CDHR3: variants seen among roughly 807,000 people sequenced by gnomAD.
CDHR3 encodes the protein cadherin-related family member 3.
CDHR3 carries 79 observed loss-of-function variants against 86.6 expected under a neutral mutation model. That is an observed-to-expected ratio of 0.91 (90% CI 0.76 to 1.10). The LOEUF (loss-of-function observed/expected upper bound fraction) is 1.10, where lower values mean the gene tolerates loss of function less well. Ranked by LOEUF, CDHR3 falls within the 50% of genes least tolerant of loss-of-function variation. CDHR3 has a pLI of 0.00. For synonymous variants in CDHR3, 421 were observed against 402.4 expected (o/e 1.05, Z -0.55); for missense variants, 1,081 against 1,077.6 (o/e 1.00, Z -0.04).
intron 8 of CDHR3, among the ~76,000 whole-genome samples, chr7:106,010,547 C>T (rs372722296): frequency 4.6e-5 from 7 of 152,200 alleles, no homozygotes; most frequent in Admixed American, 6.5e-5. Flanking sequence ...CTCCATTACA[C>T]GCTCCAGCAA....
rs200807728 is a variant in CDHR3, at chr7:105,986,488, A to G, written c.513+2199A>G. Among the ~76,000 whole-genome samples the G allele has an allele frequency of 1.4e-4, 22 of 152,350 alleles. No homozygotes were observed. The East Asian group carries it at 3.7e-3, about 25-fold the overall frequency. On this transcript the variant is annotated intron_variant, in intron 4 of 18. Transcript: ENST00000317716. Reference sequence around the variant, plus strand: ...CAAAAGGTTTACAGCTGACACTCCTATAACAAAGAAGAGATTAACAAGAAG... The same window carrying G: ...CAAAAGGTTTACAGCTGACACTCCTGTAACAAAGAAGAGATTAACAAGAAG...
chr7:106,028,567 G>C lies in CDHR3; in HGVS notation c.2289G>C (p.Glu763Asp). ...LTKKGETKTA[E>D]RDVVVETIQM... ...TCTCTGCAGAAACGAAGACTGCAGA[G>C]AGAGACGTCGTGGTGGTGAGTATGG... The change falls in exon 17 of 19, where the codon GAG becomes GAC. Residue 763 changes from glutamate to aspartate, a missense_variant. Physicochemically the swap from Glu to Asp is conservative, Grantham distance 45. Transcript: ENST00000317716. The C allele has an allele frequency of 6.2e-7, 1 of 1,614,010 alleles. No individual in the cohort carries two copies. Among genetic ancestry groups the C allele is most frequent in the Non-Finnish European group, 8.5e-7 (1 of 1,179,870 alleles).
intron 2 of CDHR3, among the ~76,000 whole-genome samples, chr7:105,978,370 A>C (rs1338888951): frequency 1.3e-5 from 2 of 152,104 alleles, no homozygotes; most frequent in East Asian, 3.9e-4. Context: ...TCATTTGTCC[A>C]TCTCTGAGCT....
intron 1 of CDHR3, among the ~76,000 whole-genome samples, chr7:105,965,562 G>GGGGGGGGCCC: frequency 1.8e-5 from 1 of 56,338 alleles, no homozygotes; most frequent in Non-Finnish European, 4.4e-5. Flanking sequence ...CCCAACTCAA[G>GGGGGGGGCCC]CCCCACCCCC....
At position 106,032,373 on chromosome 7, in the gene CDHR3, T is replaced by C; in HGVS notation, c.2354-20T>C. 1 of 1,594,124 alleles carries C rather than the reference T, an allele frequency of 6.3e-7. No individual in the cohort carries two copies. On this transcript the variant is annotated intron_variant, in intron 18 of 18. Transcript: ENST00000317716. The stretch of plus-strand genomic sequence containing the variant: ...TGGAATTTTCTGGCTTATGTGATTG[T>C]TGTATTTTTTTTTCACTAGTGACCG...
chr7:105,979,845 G>A (rs193796), intron 2 of CDHR3, among the ~76,000 whole-genome samples: 63,513 of 152,008 alleles, frequency 0.42, 13,669 homozygotes, highest in South Asian at 0.6. Context: ...AATGTCCCCA[G>A]GGGCTCCGGG....
chr7:105,975,250 A>G (rs1333027680), intron 2 of CDHR3, among the ~76,000 whole-genome samples: 6 of 152,142 alleles, frequency 3.9e-5, no homozygotes, highest in Non-Finnish European at 8.8e-5. Flanking sequence ...CACTCCATAC[A>G]GTTTACATAA....
chr7:105,966,112 A>G (rs1323437427), intron 1 of CDHR3, among the ~76,000 whole-genome samples: 1 of 152,234 alleles, frequency 6.6e-6, no homozygotes, highest in East Asian at 1.9e-4. Context: ...GCCCCAGTGG[A>G]AAGAGTTGAG....
intron 4 of CDHR3, among the ~76,000 whole-genome samples, chr7:105,994,147 T>C (rs777961599): frequency 1.1e-4 from 16 of 152,222 alleles, no homozygotes; most frequent in Non-Finnish European, 4.4e-5. Flanking sequence ...TTTTGCGCCC[T>C]GCTATATTGT....
chr7:105,995,120 T>C (rs1272985460), intron 5 of CDHR3, among the ~76,000 whole-genome samples: 1 of 152,208 alleles, frequency 6.6e-6, no homozygotes, highest in Non-Finnish European at 1.5e-5. Flanking sequence ...AGGTCAGACA[T>C]AACCAGGTCC....
intron 14 of CDHR3, 42 bp downstream of exon 14, chr7:106,022,490 G>T: frequency 3.1e-6 from 5 of 1,594,794 alleles, no homozygotes; most frequent in Non-Finnish European, 4.3e-6. Context: ...ACATTCCCTT[G>T]TGAGTTATGT....
At position 106,022,369 on chromosome 7, in the gene CDHR3, C is replaced by A; in HGVS notation, c.1997C>A (p.Ala666Asp). The A allele has an allele frequency of 6.2e-7, 1 of 1,614,034 alleles. No individual in the cohort carries two copies. Among genetic ancestry groups the A allele is most frequent in the African/African-American group, 1.3e-5 (1 of 75,036 alleles). ...NLMSDRKKAE[A>D]LVETGTVTLS... ...ATGTCTGACAGGAAGAAAGCGGAGGCTCTTGTTGAGACAGGAACAGTGACA... is the reference window on the plus strand; with the variant it reads ...ATGTCTGACAGGAAGAAAGCGGAGGATCTTGTTGAGACAGGAACAGTGACA... The change falls in exon 14 of 19, where the codon GCT becomes GAT. Residue 666 changes from alanine to aspartate, a missense_variant. Coordinates refer to ENST00000317716, the MANE Select transcript of CDHR3 (RefSeq NM_152750.5).
chr7:105,969,397 C>CAAAAA lies in CDHR3; in HGVS notation c.47-5428_47-5424dup, dbSNP rs760242300. Among the ~76,000 whole-genome samples the CAAAAA allele has an allele frequency of 3.1e-4, 25 of 79,814 alleles. 1 individual carries two copies. Among genetic ancestry groups the CAAAAA allele is most frequent in the African/African-American group, 1.2e-3 (22 of 18,468 alleles). 52.4% of individuals were successfully genotyped at this position (79,814 alleles called of 152,430 possible). Reference sequence around the variant, plus strand: ...CCTGGGCGACAGCGAGACTCCGTCTCAAAAAAAAAAAAAAAAAAAAAAAGT... The same window carrying CAAAAA: ...CCTGGGCGACAGCGAGACTCCGTCTCAAAAAAAAAAAAAAAAAAAAAAAAAAAAGT... On this transcript the variant is annotated intron_variant, in intron 1 of 18. Transcript: ENST00000317716.
In CDHR3 at chr7:106,035,394, G is replaced by A. The variant is rs1323849367; in HGVS notation, c.*2697G>A. Reference sequence around the variant, plus strand: ...GTTTCTTTTGTATATCCGGCTATTTGGTTCGGGGAAATCCAGAAGTCAAAG... The same window carrying A: ...GTTTCTTTTGTATATCCGGCTATTTAGTTCGGGGAAATCCAGAAGTCAAAG... On this transcript the variant is annotated 3_prime_UTR_variant, in exon 19 of 19. Transcript: ENST00000317716. 6.6e-6 allele frequency among the ~76,000 whole-genome samples: 1 copy of A among 152,200 alleles called. No individual in the cohort carries two copies. Among genetic ancestry groups the A allele is most frequent in the Non-Finnish European group, 1.5e-5 (1 of 68,030 alleles).
At chr7:105,985,204 T>C (rs540042602) in intron 4 of CDHR3, among the ~76,000 whole-genome samples, 338 of 152,334 alleles carry the variant, frequency 2.2e-3, no homozygotes, top group South Asian at 3.7e-3. Context: ...ATGTAGCTGC[T>C]AGTGGGGCAA....
At chr7:106,028,205 A>G (rs1035870402) in intron 16 of CDHR3, among the ~76,000 whole-genome samples, 3 of 151,956 alleles carry the variant, frequency 2.0e-5, no homozygotes, top group African/African-American at 7.2e-5. Context: ...AATGCACAAA[A>G]CCCACACCTT....
At chr7:106,029,711 A>G (rs1327535364) in intron 17 of CDHR3, among the ~76,000 whole-genome samples, 1 of 152,168 alleles carries the variant, frequency 6.6e-6, no homozygotes, top group Non-Finnish European at 1.5e-5. Flanking sequence ...GCATAATTCA[A>G]TGGCTCCTCC....
At chr7:105,969,055 T>C (rs970733468) in intron 1 of CDHR3, among the ~76,000 whole-genome samples, 2 of 150,260 alleles carry the variant, frequency 1.3e-5, no homozygotes, top group African/African-American at 4.9e-5. Context: ...GCCACTGCAC[T>C]CCAGCCCGGG....
chr7:106,008,077 G>A (rs1247753256), intron 8 of CDHR3, among the ~76,000 whole-genome samples: 1 of 152,174 alleles, frequency 6.6e-6, no homozygotes, highest in African/African-American at 2.4e-5. Flanking sequence ...CAGATCTCAT[G>A]GGACTTAGTC....
Sources: gnomAD v4.1 joint callset for allele counts (sites outside exome capture counted in the v4.1 genomes callset) on GRCh38, gnomAD v4.1.1 for gene constraint, MANE v1.5 for transcripts, NCBI Gene and HGNC (gene_info 2026-07-23, HGNC 2026-07-21) for gene names.